The following PDE11A variants were observed in gnomAD, a reference collection of about 807,000 sequenced individuals.
PDE11A encodes dual 3',5'-cyclic-AMP and -GMP phosphodiesterase 11A.
PDE11A carries 100 observed loss-of-function variants against 100.5 expected under a neutral mutation model. The observed-to-expected ratio is 1.00, with a 90% confidence interval of 0.85 to 1.18. The LOEUF (loss-of-function observed/expected upper bound fraction) is 1.18, where lower values mean the gene tolerates loss of function less well. Among genes scored for constraint, PDE11A ranks in the 50% most tolerant of loss-of-function variants. PDE11A has a pLI of 0.00. For synonymous variants in PDE11A, 381 were observed against 420.8 expected (o/e 0.91, Z 1.16); for missense variants, 1,141 against 1,152.6 (o/e 0.99, Z 0.15).
At chr2:177,845,476 G>A (rs1238485324) in intron 5 of PDE11A, among the ~76,000 whole-genome samples, 1 of 151,514 alleles carries the variant, frequency 6.6e-6, no homozygotes, top group Non-Finnish European at 1.5e-5. Flanking sequence ...ATGTGATGGC[G>A]GCCGGGAAGA....
At position 177,697,401 on chromosome 2, in the gene PDE11A, T is replaced by G. The variant is rs147492800; in HGVS notation, c.2276A>C (p.Lys759Thr). The G allele has an allele frequency of 1.3e-6, 2 of 1,594,478 alleles. No homozygotes were observed. The highest frequency in any genetic ancestry group is 2.7e-5 in the African/African-American group (2 of 74,562). The change falls in exon 15 of 20, where the codon AAG becomes ACG. Residue 759 changes from lysine (K) to threonine (T), a missense_variant. Physicochemically the swap from Lys to Thr is moderately conservative, Grantham distance 78. Coordinates refer to ENST00000286063, the MANE Select transcript of PDE11A (RefSeq NM_016953.4). ...AAGCTGCATAAGGTCACTATATTCC[T>G]TGGAGGACAGGTTAGCAAAGATATT... ...GHNIFANLSS[K>T]EYSDLMQLLK...
intron 4 of PDE11A, among the ~76,000 whole-genome samples, chr2:177,884,349 C>T (rs577300431): frequency 3.3e-5 from 5 of 152,310 alleles, no homozygotes; most frequent in East Asian, 1.9e-4. Context: ...CTTGTCTATA[C>T]GTTTCTGTGA....
chr2:178,027,029 G>A (rs904857625), intron 1 of PDE11A, among the ~76,000 whole-genome samples: 1 of 152,126 alleles, frequency 6.6e-6, no homozygotes, highest in African/African-American at 2.4e-5. Flanking sequence ...AATCATTTAA[G>A]ATGCCAATAT....
intron 2 of PDE11A, among the ~76,000 whole-genome samples, chr2:177,990,524 G>A (rs2085989268): frequency 6.6e-6 from 1 of 152,072 alleles, no homozygotes; most frequent in African/African-American, 2.4e-5. Context: ...GGGATCACAA[G>A]GTCAGGAATT....
intron 6 of PDE11A, among the ~76,000 whole-genome samples, chr2:177,834,497 G>T (rs1396695670): frequency 6.6e-6 from 1 of 152,110 alleles, no homozygotes; most frequent in Middle Eastern, 3.2e-3. Context: ...CCCAATGGTT[G>T]CAGGCATGTG....
At chr2:178,033,213 T>C (rs6731280) in intron 1 of PDE11A, among the ~76,000 whole-genome samples, 3,802 of 152,186 alleles carry the variant, frequency 0.025, 147 homozygotes, top group African/African-American at 0.086. Context: ...AAATGACCTA[T>C]TGGAGCTGAA....
intron 12 of PDE11A, among the ~76,000 whole-genome samples, chr2:177,717,448 T>C (rs370212420): frequency 7.2e-5 from 11 of 152,276 alleles, no homozygotes; most frequent in African/African-American, 2.6e-4. Flanking sequence ...TTAATGCATT[T>C]ACCCCATTCT....
intron 2 of PDE11A, among the ~76,000 whole-genome samples, chr2:177,945,798 C>T (rs1441922296): frequency 4.0e-5 from 6 of 149,290 alleles, no homozygotes; most frequent in South Asian, 2.1e-4. Context: ...CCCCCCCGCC[C>T]GGCCAGCCGT....
chr2:177,862,166 A>T (rs1294799229), intron 5 of PDE11A, among the ~76,000 whole-genome samples: 1 of 151,882 alleles, frequency 6.6e-6, no homozygotes, highest in East Asian at 1.9e-4. Context: ...AAATCTGATA[A>T]GGGACCTGTA....
chr2:177,634,526 T>A (rs1426044502), intron 19 of PDE11A, among the ~76,000 whole-genome samples: 1 of 151,972 alleles, frequency 6.6e-6, no homozygotes, highest in African/African-American at 2.4e-5. Flanking sequence ...CAGCTCGGAC[T>A]ACAGGCGCCC....
At chr2:178,022,551 T>C (rs2086426149) in intron 1 of PDE11A, among the ~76,000 whole-genome samples, 1 of 152,110 alleles carries the variant, frequency 6.6e-6, no homozygotes, top group African/African-American at 2.4e-5. Flanking sequence ...GGATGGGAAT[T>C]TTGCCTAACA....
rs576087146 is a variant in PDE11A, at chr2:177,936,193, T to C, written c.1072-31006A>G. 2.6e-5 allele frequency among the ~76,000 whole-genome samples: 4 copies of C among 152,336 alleles called. No homozygotes were observed. In the South Asian group the frequency reaches 8.3e-4, roughly 32 times the overall value. ...AGATTGAAGTGTGAAAAACTGAGTA[T>C]CGAACCATAATAAAGAATGTTCTTT... On this transcript the variant is annotated intron_variant, in intron 2 of 19. Coordinates refer to ENST00000286063, the MANE Select transcript of PDE11A (RefSeq NM_016953.4).
chr2:177,963,453 T>C (rs2085660395), intron 2 of PDE11A, among the ~76,000 whole-genome samples: 1 of 152,178 alleles, frequency 6.6e-6, no homozygotes. Context: ...TATAATTCCT[T>C]TGAATATGAA....
At chr2:177,699,822 T>C (rs2081171030) in intron 14 of PDE11A, among the ~76,000 whole-genome samples, 1 of 152,198 alleles carries the variant, frequency 6.6e-6, no homozygotes, top group African/African-American at 2.4e-5. Context: ...TAGTCTCTGT[T>C]CTTCATAGGG....
At chr2:177,911,813 G>T (rs1293199336) in intron 2 of PDE11A, among the ~76,000 whole-genome samples, 4 of 151,984 alleles carry the variant, frequency 2.6e-5, no homozygotes, top group Non-Finnish European at 5.9e-5. Flanking sequence ...GAAGCTGGGA[G>T]GTAGAGGTTG....
intron 19 of PDE11A, 45 bp downstream of exon 19, chr2:177,663,821 T>C (rs771849022): frequency 1.9e-5 from 20 of 1,079,750 alleles, no homozygotes; most frequent in Non-Finnish European, 2.7e-5. Context: ...CACTTTTCCT[T>C]TTCTGATTCA....
chr2:177,855,127 GC>G (rs2083808635), intron 5 of PDE11A, among the ~76,000 whole-genome samples: 1 of 151,974 alleles, frequency 6.6e-6, no homozygotes, highest in Admixed American at 6.6e-5. Context: ...ATCCTTCCTA[GC>G]AGAGGCACAG....
chr2:177,838,760 T>C (rs1474079164), intron 6 of PDE11A, among the ~76,000 whole-genome samples: 1 of 152,210 alleles, frequency 6.6e-6, no homozygotes, highest in Non-Finnish European at 1.5e-5. Context: ...ATATAAATGT[T>C]GACATCTGTA....
At chr2:178,097,493 GA>G (rs1440284212) in intron 2 of PDE11A, among the ~76,000 whole-genome samples, 1 of 152,104 alleles carries the variant, frequency 6.6e-6, no homozygotes, top group African/African-American at 2.4e-5. Flanking sequence ...ACTGTAACAA[GA>G]ACAGCATGAG....
Sources: gnomAD v4.1 joint callset for allele counts (sites outside exome capture counted in the v4.1 genomes callset) on GRCh38, gnomAD v4.1.1 for gene constraint, MANE v1.5 for transcripts, NCBI Gene and HGNC (gene_info 2026-07-23, HGNC 2026-07-21) for gene names.